Variants in USP13 observed in about 807,000 individuals in gnomAD.
USP13 encodes the protein ubiquitin carboxyl-terminal hydrolase 13.
In USP13, 68 loss-of-function variants were observed where a neutral mutation model predicts 107.8. The observed-to-expected ratio is 0.63, with a 90% CI of 0.52 to 0.77. The LOEUF (loss-of-function observed/expected upper bound fraction) is 0.77. Ranked by LOEUF, USP13 falls within the 30% of genes least tolerant of loss-of-function variation. The pLI, the probability that USP13 is intolerant of heterozygous loss-of-function variation, is 0.00. For synonymous variants in USP13, 377 were observed against 389.5 expected (o/e 0.97, Z 0.38); for missense variants, 945 against 1,093.3 (o/e 0.86, Z 1.91).
intron 2 of USP13, among the ~76,000 whole-genome samples, chr3:179,688,526 G>A (rs916000938): frequency 1.3e-5 from 2 of 152,202 alleles, no homozygotes; most frequent in Non-Finnish European, 2.9e-5. Context: ...ATTTGCTGAT[G>A]GAGGAGTTTT....
At chr3:179,725,896 C>T (rs574743864) in intron 8 of USP13, among the ~76,000 whole-genome samples, 1 of 152,298 alleles carries the variant, frequency 6.6e-6, no homozygotes, top group Admixed American at 6.5e-5. Flanking sequence ...CTGATTCACT[C>T]TCACGAGAAC....
intron 1 of USP13, among the ~76,000 whole-genome samples, chr3:179,664,838 A>G (rs1291156788): frequency 6.6e-6 from 1 of 152,236 alleles, no homozygotes; most frequent in Non-Finnish European, 1.5e-5. Context: ...CTGTAATCCC[A>G]GCACTTTGGG....
chr3:179,687,599 C>T lies in USP13; in HGVS notation c.295-2642C>T, dbSNP rs958985523. On this transcript the variant is annotated intron_variant, in intron 2 of 20. Transcript: ENST00000263966. ...GCTTGGACCTGGGAGGCTGAAGTTG[C>T]GGTAAGCCAAGATCATGCCATTGCA... 4.4e-5 allele frequency among the ~76,000 whole-genome samples: 6 copies of T among 135,906 alleles called. 1 individual carries two copies. Among genetic ancestry groups the T allele is most frequent in the Non-Finnish European group, 6.1e-5 (4 of 65,432 alleles). 89.2% of individuals were successfully genotyped at this position (135,906 alleles called of 152,430 possible).
rs1415592856 is a variant in USP13 at position 179,752,325 on chromosome 3, C to A, written c.1750C>A (p.Gln584Lys). The A allele has an allele frequency of 1.4e-5, 23 of 1,614,048 alleles. No individual in the cohort carries two copies. Among genetic ancestry groups the A allele is most frequent in the Non-Finnish European group, 1.9e-5 (23 of 1,179,982 alleles). ...TTCATTCCCTGAATACTTGGTAGTG[C>A]AGATAAAGAAGTTCACTTTTGGTCT... ...FASFPEYLVV[Q>K]IKKFTFGLDW... The change falls in exon 14 of 21, where the codon CAG becomes AAG. Residue 584 changes from glutamine (Q) to lysine (K), a missense_variant. By Grantham distance (53) the Gln-to-Lys change is moderately conservative. Transcript: ENST00000263966.
chr3:179,745,273 G>GC, intron 13 of USP13, 56 bp downstream of exon 13: 2 of 1,226,058 alleles, frequency 1.6e-6, no homozygotes, highest in Non-Finnish European at 2.3e-6. Flanking sequence ...GAGGGGTGGG[G>GC]ACAGGGGTAA....
chr3:179,705,939 T>C (rs756433006), intron 4 of USP13, among the ~76,000 whole-genome samples: 12 of 152,162 alleles, frequency 7.9e-5, no homozygotes, highest in African/African-American at 2.9e-4. Context: ...GCCAGGCTGG[T>C]CTCGAACTCC....
Position 179,721,527 on chromosome 3 carries a change from C to T in USP13, c.1026C>T (p.Gly342=). The T allele has an allele frequency of 6.2e-7, 1 of 1,614,128 alleles. No individual in the cohort carries two copies. The highest frequency in any genetic ancestry group is 8.5e-7 in the Non-Finnish European group (1 of 1,180,036). The part of the protein sequence containing the change: ...GPGYTGLKNL[G]NSCYLSSVMQ... ...GCTACACGGGTCTGAAGAACCTGGGCAACAGCTGCTATCTCAGCTCTGTCA... is the reference window on the plus strand; with the variant it reads ...GCTACACGGGTCTGAAGAACCTGGGTAACAGCTGCTATCTCAGCTCTGTCA... Residue 342 remains glycine, a synonymous_variant, in exon 8 of 21, where the codon GGC becomes GGT. Coordinates refer to ENST00000263966, the MANE Select transcript of USP13 (RefSeq NM_003940.3). The surrounding 1 kb of genome is among the most constrained non-coding windows in gnomAD (Gnocchi z 4.3).
At chr3:179,708,304 A>G (rs1712795188) in intron 5 of USP13, among the ~76,000 whole-genome samples, 2 of 113,260 alleles carry the variant, frequency 1.8e-5, no homozygotes, top group African/African-American at 5.9e-5. Flanking sequence ...GGAGAGGAAC[A>G]ATAATTTTTT....
intron 16 of USP13, 192 bp downstream of exon 16, chr3:179,757,270 C>G (rs754050069): frequency 1.7e-6 from 1 of 590,146 alleles, no homozygotes; most frequent in Non-Finnish European, 3.0e-6. Flanking sequence ...GGAGAGTGAC[C>G]ATTAGCATGA....
rs1439954958 is a variant in USP13 at position 179,761,008 on chromosome 3, T to C, written c.1949-104T>C. Reference sequence around the variant, plus strand: ...AAACCATTATCTACACCCAACAGAATAGCACTTTCTTTGGGTAGCATGTGG... The same window carrying C: ...AAACCATTATCTACACCCAACAGAACAGCACTTTCTTTGGGTAGCATGTGG... On this transcript the variant is annotated intron_variant, in intron 16 of 20. Coordinates refer to ENST00000263966, the MANE Select transcript of USP13 (RefSeq NM_003940.3). 4.3e-6 allele frequency: 6 copies of C among 1,392,822 alleles called. No individual in the cohort carries two copies. In the East Asian group the frequency reaches 1.2e-4, roughly 27 times the overall value. The allele number at this position is 1,392,822 out of a possible 1,614,324, so 86.3% of individuals were successfully genotyped here. A position where few individuals can be genotyped will look rare whatever the true frequency, so the allele number is the denominator to read the frequency against.
At chr3:179,682,257 A>AC (rs1553788679) in intron 2 of USP13, among the ~76,000 whole-genome samples, 8,834 of 151,350 alleles carry the variant, frequency 0.058, 289 homozygotes, top group South Asian at 0.076. Flanking sequence ...GAAAAAAAAA[A>AC]CCGAAACTAG....
chr3:179,768,212 G>A (rs115451306), intron 19 of USP13, among the ~76,000 whole-genome samples: 63 of 152,334 alleles, frequency 4.1e-4, no homozygotes, highest in African/African-American at 1.4e-3. Flanking sequence ...ACAAGATGGG[G>A]CTGTTGTAAA....
In USP13 at chr3:179,721,890, C is replaced by T. The variant is rs188670652; in HGVS notation, c.1088+301C>T. On this transcript the variant is annotated intron_variant, in intron 8 of 20. Coordinates refer to ENST00000263966, the MANE Select transcript of USP13 (RefSeq NM_003940.3). This position sits in a 1 kb window ranked among gnomAD's most constrained non-coding sequence, Gnocchi z 4.3. ...TTCAAGACCAGCCTGACCAACATGA[C>T]GAAACCCGTCTCTACTAAAAATACA... Among the ~76,000 whole-genome samples, 57 of 151,820 alleles carry T rather than the reference C, an allele frequency of 3.8e-4. 2 individuals carry two copies. Among genetic ancestry groups the T allele is most frequent in the South Asian group, 3.5e-3 (17 of 4,800 alleles).
At chr3:179,747,632 C>T (rs1714454941) in intron 13 of USP13, among the ~76,000 whole-genome samples, 1 of 152,180 alleles carries the variant, frequency 6.6e-6, no homozygotes, top group Admixed American at 6.5e-5. Context: ...GAGGCATTAG[C>T]TTTCCACAGA....
At position 179,765,756 on chromosome 3, in the gene USP13, G is replaced by C. The variant is rs1377477413; in HGVS notation, c.2321G>C (p.Ser774Thr). The change falls in exon 19 of 21, where the codon AGT becomes ACT. Residue 774 changes from serine (S) to threonine (T), a missense_variant. Physicochemically the swap from Ser to Thr is moderately conservative, Grantham distance 58 (BLOSUM62 1). Coordinates refer to ENST00000263966, the MANE Select transcript of USP13 (RefSeq NM_003940.3). ...AGCCACCCTGAGTTTGAAGAAGACA[G>C]TGATTTTGTGATTGAGATGGAGAAT... is the stretch of plus-strand genomic sequence containing the variant. Reference protein sequence around the residue: ...IFSHPEFEEDSDFVIEMENNA... With the variant: ...IFSHPEFEEDTDFVIEMENNA... 2 of 1,614,068 alleles carry C rather than the reference G, an allele frequency of 1.2e-6. No homozygotes were observed. Among genetic ancestry groups the C allele is most frequent in the Middle Eastern group, 1.6e-4 (1 of 6,084 alleles).
chr3:179,730,557 A>G, intron 9 of USP13, 59 bp from the exon 10 acceptor site: 1 of 1,399,182 alleles, frequency 7.1e-7, no homozygotes, highest in Non-Finnish European at 1.0e-6. Context: ...AGATAAATTT[A>G]ATATTACTAT....
intron 8 of USP13, among the ~76,000 whole-genome samples, chr3:179,729,393 C>T (rs1713712404): frequency 1.3e-5 from 2 of 152,168 alleles, no homozygotes; most frequent in African/African-American, 4.8e-5. Context: ...AGGACGGGCC[C>T]AGTCAAGCAG....
intron 3 of USP13, among the ~76,000 whole-genome samples, chr3:179,696,931 T>C (rs1198380298): frequency 6.6e-6 from 1 of 152,208 alleles, no homozygotes; most frequent in Non-Finnish European, 1.5e-5. Flanking sequence ...TGCATAGATA[T>C]ATAAATAACT....
intron 20 of USP13, among the ~76,000 whole-genome samples, chr3:179,782,245 C>T (rs1576999371): frequency 3.3e-5 from 5 of 152,150 alleles, no homozygotes; most frequent in Non-Finnish European, 7.4e-5. Context: ...AAATAAATTT[C>T]AAATATTCTA....
Sources: gnomAD v4.1 joint callset for allele counts (sites outside exome capture counted in the v4.1 genomes callset) on GRCh38, gnomAD v4.1.1 for gene constraint, Gnocchi (gnomAD v3.1) non-coding constraint, MANE v1.5 for transcripts, NCBI Gene and HGNC (gene_info 2026-07-23, HGNC 2026-07-21) for gene names.